The following UNC13C variants were observed in gnomAD, a reference collection of about 807,000 sequenced individuals.
UNC13C encodes the protein unc-13 homolog C, also known as protein unc-13 homolog C.
In UNC13C, 174 loss-of-function variants were observed where a neutral mutation model predicts 245.4. The observed-to-expected ratio is 0.71, with a 90% CI of 0.63 to 0.80. The LOEUF is 0.80. UNC13C is among the 30% of genes least tolerant of loss of function. UNC13C has a pLI of 0.00. For synonymous variants in UNC13C, 992 were observed against 895.1 expected, an observed-to-expected ratio of 1.11 and a Z score of -1.93; for missense variants, 2,829 against 2,602.9, an observed-to-expected ratio of 1.09 and a Z score of -1.89.
chr15:54,553,760 A>C (rs1344355048), intron 28 of UNC13C, among the ~76,000 whole-genome samples: 1 of 151,650 alleles, frequency 6.6e-6, no homozygotes, highest in African/African-American at 2.4e-5. Context: ...AGTAAGAATT[A>C]TATTTCTAGC....
At chr15:53,942,159 G>A in the UNC13C span, among the ~76,000 whole-genome samples, 3 of 152,152 alleles carry the variant, frequency 2.0e-5, no homozygotes, top group South Asian at 6.2e-4. Flanking sequence ...CAATCCAAAT[G>A]CCCTTCAATG....
chr15:54,110,442 T>C (rs1900710987), intron 2 of UNC13C, among the ~76,000 whole-genome samples: 1 of 152,180 alleles, frequency 6.6e-6, no homozygotes, highest in East Asian at 1.9e-4. Context: ...GATCTGAATG[T>C]AAAATCAAAT....
chr15:54,464,292 T>C (rs775553340), intron 19 of UNC13C, among the ~76,000 whole-genome samples: 1 of 152,176 alleles, frequency 6.6e-6, no homozygotes, highest in African/African-American at 2.4e-5. Context: ...ACTTTGTCAG[T>C]TTTTCTGCCA....
At chr15:53,848,618 C>G in the UNC13C span, among the ~76,000 whole-genome samples, 1 of 152,080 alleles carries the variant, frequency 6.6e-6, no homozygotes, top group East Asian at 1.9e-4. Context: ...AGGGTGTTCT[C>G]TGTGTCAATT....
At chr15:54,128,764 G>C (rs1215018655) in intron 2 of UNC13C, among the ~76,000 whole-genome samples, 2 of 152,160 alleles carry the variant, frequency 1.3e-5, no homozygotes, top group Non-Finnish European at 2.9e-5. Flanking sequence ...TCTGGAAATG[G>C]CTGGGAGTTG....
chr15:53,865,638 T>TTA, the UNC13C span, among the ~76,000 whole-genome samples: 15 of 152,142 alleles, frequency 9.9e-5, no homozygotes, highest in Non-Finnish European at 2.2e-4. Context: ...ATTTAGCCCA[T>TTA]AACAGTGACA....
intron 4 of UNC13C, among the ~76,000 whole-genome samples, chr15:54,181,533 T>C (rs2033798966): frequency 6.6e-6 from 1 of 151,946 alleles, no homozygotes; most frequent in Admixed American, 6.6e-5. Context: ...ATTGGGACCC[T>C]TTTTTGGTTC....
intron 1 of UNC13C, among the ~76,000 whole-genome samples, chr15:53,980,592 G>C (rs1316573207): frequency 6.6e-6 from 1 of 152,164 alleles, no homozygotes; most frequent in Non-Finnish European, 1.5e-5. Flanking sequence ...TGTTGAGAAA[G>C]TAATTTCAGT....
chr15:53,984,378 C>G (rs1050292489), intron 1 of UNC13C, among the ~76,000 whole-genome samples: 10 of 152,112 alleles, frequency 6.6e-5, no homozygotes, highest in Non-Finnish European at 1.5e-4. Context: ...GCATCATACA[C>G]TGTCTTATGA....
At chr15:53,915,798 T>G in the UNC13C span, among the ~76,000 whole-genome samples, 15 of 152,290 alleles carry the variant, frequency 9.8e-5, no homozygotes, top group Non-Finnish European at 2.1e-4. Context: ...GATGACTCAA[T>G]AAGTGGAGAG....
intron 1 of UNC13C, among the ~76,000 whole-genome samples, chr15:53,998,395 AATTG>A (rs1347086116): frequency 6.6e-6 from 1 of 152,104 alleles, no homozygotes; most frequent in Admixed American, 6.5e-5. Context: ...TTGATGTTAT[AATTG>A]ATTTTTTATC....
chr15:54,430,395 T>G (rs2140973841), intron 19 of UNC13C, among the ~76,000 whole-genome samples: 1 of 151,826 alleles, frequency 6.6e-6, no homozygotes, highest in South Asian at 2.1e-4. Flanking sequence ...CCAAAATTAT[T>G]TTACTACTAC....
At chr15:53,969,808 T>C in the UNC13C span, among the ~76,000 whole-genome samples, 1 of 152,030 alleles carries the variant, frequency 6.6e-6, no homozygotes, top group Admixed American at 6.6e-5. Flanking sequence ...GTGGGACAGA[T>C]CTCTAGAACT....
At chr15:54,309,804 G>A (rs1198518077) in intron 13 of UNC13C, among the ~76,000 whole-genome samples, 2 of 151,834 alleles carry the variant, frequency 1.3e-5, no homozygotes, top group East Asian at 1.9e-4. Context: ...TCATTTGTCA[G>A]TAAATGTGTG....
intron 19 of UNC13C, among the ~76,000 whole-genome samples, chr15:54,491,795 G>T (rs540851368): frequency 6.6e-6 from 1 of 152,174 alleles, no homozygotes; most frequent in African/African-American, 2.4e-5. Context: ...GAGGTCAGGA[G>T]ATCCAGACCA....
the UNC13C span, among the ~76,000 whole-genome samples, chr15:53,864,029 T>C: frequency 1.7e-4 from 26 of 152,290 alleles, no homozygotes; most frequent in African/African-American, 6.3e-4. Flanking sequence ...ACCACAGTGG[T>C]AATGTCCTTG....
At chr15:54,559,331 G>A (rs551681671) in intron 29 of UNC13C, among the ~76,000 whole-genome samples, 11 of 151,930 alleles carry the variant, frequency 7.2e-5, no homozygotes, top group East Asian at 1.9e-4. Flanking sequence ...TCTTACCCTC[G>A]CAGAGGTTCT....
intron 19 of UNC13C, among the ~76,000 whole-genome samples, chr15:54,449,161 C>T (rs993321563): frequency 6.6e-6 from 1 of 152,212 alleles, no homozygotes; most frequent in Non-Finnish European, 1.5e-5. Flanking sequence ...GTCTTATGGG[C>T]TTCCCTTTGT....
At chr15:54,425,853 G>C (rs1460108491) in intron 19 of UNC13C, among the ~76,000 whole-genome samples, 1 of 151,784 alleles carries the variant, frequency 6.6e-6, no homozygotes, top group Non-Finnish European at 1.5e-5. Flanking sequence ...AGTCTGATGT[G>C]GGTTTCATTG....
Sources: allele counts gnomAD v4.1 joint callset (sites outside exome capture counted in the v4.1 genomes callset), GRCh38; gene constraint gnomAD v4.1.1; transcripts MANE v1.5; gene names NCBI Gene and HGNC (gene_info 2026-07-23, HGNC 2026-07-21).